Variants in GPR19 observed in about 807,000 individuals in gnomAD.
GPR19 encodes the protein probable G protein-coupled receptor 19.
Under a neutral mutation model 28.5 loss-of-function variants are expected in GPR19, and 14 were observed. That is an observed-to-expected ratio of 0.49 (90% CI 0.32 to 0.77). GPR19 has a LOEUF of 0.77. Among genes scored for constraint, GPR19 ranks in the 30% least tolerant of loss-of-function variants. The pLI is 0.03. For missense variants in GPR19, 409 were observed against 504.1 expected (o/e 0.81, Z 1.81); for synonymous variants, 173 against 184.1 (o/e 0.94, Z 0.49).
chr12:12,664,134 C>T (rs1029200449), intron 3 of GPR19, among the ~76,000 whole-genome samples: 13 of 152,152 alleles, frequency 8.5e-5, no homozygotes, highest in African/African-American at 3.1e-4. Flanking sequence ...GGACTAGAGG[C>T]GCGTGCCACC....
the GPR19 span, among the ~76,000 whole-genome samples, chr12:12,713,496 G>A: frequency 6.6e-6 from 1 of 152,070 alleles, no homozygotes; most frequent in African/African-American, 2.4e-5. Flanking sequence ...TAGCTGTATG[G>A]CTGCTCTCTC....
intron 3 of GPR19, among the ~76,000 whole-genome samples, chr12:12,664,919 C>CAAAAAAAAAAAA (rs746346681): frequency 8.7e-4 from 27 of 31,108 alleles, no homozygotes; most frequent in African/African-American, 2.4e-3. Context: ...GACGCCATCT[C>CAAAAAAAAAAAA]AAAAAAAAAA....
intron 3 of GPR19, among the ~76,000 whole-genome samples, chr12:12,679,615 C>A (rs191767000): frequency 1.8e-3 from 275 of 150,146 alleles, no homozygotes; most frequent in African/African-American, 6.1e-3. Context: ...GAGTGTACTA[C>A]TGCACTCGAG....
At chr12:12,701,952 G>T in the GPR19 span, among the ~76,000 whole-genome samples, 5 of 149,516 alleles carry the variant, frequency 3.3e-5, no homozygotes, top group East Asian at 9.8e-4. Flanking sequence ...AATGGACAAA[G>T]GCTGTCTCTT....
At chr12:12,712,822 C>G in the GPR19 span, among the ~76,000 whole-genome samples, 1 of 152,090 alleles carries the variant, frequency 6.6e-6, no homozygotes, top group African/African-American at 2.4e-5. Flanking sequence ...TGCAGGCCAC[C>G]AGGCCTGGTT....
At chr12:12,713,240 T>A in the GPR19 span, among the ~76,000 whole-genome samples, 968 of 151,930 alleles carry the variant, frequency 6.4e-3, 9 homozygotes, top group South Asian at 0.017. Flanking sequence ...AATTTTTGTA[T>A]TATTAGTAGA....
Position 12,694,438 on chromosome 12 carries a change from CGTT to C in GPR19, c.-180+1018_-180+1020del, listed in dbSNP as rs1167210217. Among the ~76,000 whole-genome samples the C allele has an allele frequency of 3.8e-4, 57 of 151,180 alleles. No homozygotes were observed. In the Middle Eastern group the frequency reaches 0.014, roughly 36 times the overall value. On this transcript the variant is annotated intron_variant, in intron 2 of 3. Coordinates refer to ENST00000651487, the MANE Select transcript of GPR19 (RefSeq NM_006143.3). Reference sequence around the variant, plus strand: ...TGCCAGGATGGTCTCGATCTCCTGACGTTGTGATCCGACCGCCTCAGCCTCCCA... The same window carrying C: ...TGCCAGGATGGTCTCGATCTCCTGACGTGATCCGACCGCCTCAGCCTCCCA...
intron 3 of GPR19, among the ~76,000 whole-genome samples, chr12:12,677,524 G>A (rs540032942): frequency 6.6e-5 from 10 of 151,872 alleles, no homozygotes; most frequent in Non-Finnish European, 8.8e-5. Flanking sequence ...TGATCCACCC[G>A]CCTTGGCCTC....
chr12:12,697,872 T>G (rs967957430), upstream of GPR19, among the ~76,000 whole-genome samples: 3 of 152,200 alleles, frequency 2.0e-5, no homozygotes, highest in Admixed American at 2.0e-4. Context: ...CGCTCCATTA[T>G]CTAGAGGTAC....
At chr12:12,688,709 C>T (rs1419574875) in intron 2 of GPR19, 2 of 152,270 alleles carry the variant, frequency 1.3e-5, no homozygotes, top group African/African-American at 4.8e-5. Context: ...TGATGCTGAA[C>T]TAACAGCCAG....
intron 3 of GPR19, among the ~76,000 whole-genome samples, chr12:12,683,296 C>T (rs1183632683): frequency 3.3e-5 from 5 of 152,168 alleles, no homozygotes; most frequent in Non-Finnish European, 5.9e-5. Context: ...ATATAGATTT[C>T]TTTGGGGATC....
chr12:12,678,940 G>A (rs1945979038), intron 3 of GPR19, among the ~76,000 whole-genome samples: 1 of 152,106 alleles, frequency 6.6e-6, no homozygotes, highest in Non-Finnish European at 1.5e-5. Flanking sequence ...GGAATTACAG[G>A]TGCACGCCAC....
intron 3 of GPR19, among the ~76,000 whole-genome samples, chr12:12,677,990 C>T (rs1168287791): frequency 7.0e-6 from 1 of 143,540 alleles, no homozygotes; most frequent in Non-Finnish European, 1.5e-5. Flanking sequence ...AGGAGAATTA[C>T]TTGAACCTGG....
At chr12:12,696,517 A>C (rs1194421924), upstream of GPR19, among the ~76,000 whole-genome samples, 1 of 152,260 alleles carries the variant, frequency 6.6e-6, no homozygotes, top group Non-Finnish European at 1.5e-5. Flanking sequence ...TGCGAGGCCC[A>C]GAAGGCCGCA....
chr12:12,678,304 T>TA (rs1009743280), intron 3 of GPR19, among the ~76,000 whole-genome samples: 77 of 150,788 alleles, frequency 5.1e-4, no homozygotes, highest in African/African-American at 1.6e-3. Context: ...CCAATTAATT[T>TA]AAAAAAACCA....
the GPR19 span, among the ~76,000 whole-genome samples, chr12:12,704,006 C>G: frequency 1.3e-5 from 2 of 152,130 alleles, no homozygotes; most frequent in African/African-American, 4.8e-5. Flanking sequence ...GTCATAGAGA[C>G]AGTGTATGTG....
At chr12:12,716,899 G>C in the GPR19 span, 1 of 984,836 alleles carries the variant, frequency 1.0e-6, no homozygotes, top group Non-Finnish European at 1.2e-6. Context: ...CACGAGGTGG[G>C]GGCCGCTGGG....
the GPR19 span, chr12:12,715,756 C>G: frequency 2.0e-5 from 3 of 152,190 alleles, no homozygotes; most frequent in African/African-American, 7.2e-5. Context: ...CGGTACCAAC[C>G]GAATGCATGT....
intron 3 of GPR19, among the ~76,000 whole-genome samples, chr12:12,671,362 A>G (rs1945853394): frequency 6.6e-6 from 1 of 152,008 alleles, no homozygotes; most frequent in Admixed American, 6.6e-5. Context: ...AGAACCTCAC[A>G]CCAATGAAAA....
Sources: allele counts gnomAD v4.1 joint callset (sites outside exome capture counted in the v4.1 genomes callset), GRCh38; gene constraint gnomAD v4.1.1; transcripts MANE v1.5; gene names NCBI Gene and HGNC (gene_info 2026-07-23, HGNC 2026-07-21).